TNS2: variants seen among roughly 807,000 people sequenced by gnomAD.
TNS2 encodes the protein tensin-2.
A neutral mutation model predicts 155.7 loss-of-function variants in TNS2; 77 were observed. The ratio of observed to expected loss-of-function variants is 0.49; its 90% CI spans 0.41 to 0.60. The LOEUF (loss-of-function observed/expected upper bound fraction) is 0.60, where lower values mean the gene tolerates loss of function less well. Ranked by LOEUF, TNS2 falls within the 20% of genes least tolerant of loss-of-function variation. The pLI is 0.00. For missense variants in TNS2, 1,703 were observed against 1,868.8 expected (o/e 0.91, Z 1.64); for synonymous variants, 726 against 763.9 (o/e 0.95, Z 0.82).
rs1342634860 is a variant in TNS2 at position 53,060,115 on chromosome 12, C to T, written c.2474C>T (p.Ser825Phe). Residue 825 changes from serine (S) to phenylalanine (F), a missense_variant, in exon 18 of 29, where the codon TCC becomes TTC. Ser to Phe is a radical substitution (Grantham distance 155). Coordinates refer to ENST00000314250, the MANE Select transcript of TNS2 (RefSeq NM_170754.4). The surrounding 1 kb of genome is among the most constrained non-coding windows in gnomAD (Gnocchi z 6.1). The stretch of plus-strand genomic sequence containing the variant: ...GGGTATCCCAGCCCTGGTGCCCACT[C>T]CCCACGGGCTGGCTCCATTTCCCCG... The part of the protein sequence containing the change: ...GRGYPSPGAH[S>F]PRAGSISPGS... 8 of 1,610,944 alleles carry T rather than the reference C, an allele frequency of 5.0e-6. No individual in the cohort carries two copies. Among genetic ancestry groups the T allele is most frequent in the African/African-American group, 1.3e-5 (1 of 75,002 alleles).
At chr12:53,049,743 TG>T (rs1050683273), upstream of TNS2, among the ~76,000 whole-genome samples, 2 of 152,084 alleles carry the variant, frequency 1.3e-5, no homozygotes, top group African/African-American at 2.4e-5. Context: ...TGGGACACAC[TG>T]TTCCCCACTT....
chr12:53,060,948 CGCCCCCTGGCAAGGCCCTCGAG>C lies in TNS2; in HGVS notation c.3049_3070del (p.Trp1017ProfsTer131). The C allele has an allele frequency of 6.2e-7, 1 of 1,601,762 alleles. No individual in the cohort carries two copies. Among genetic ancestry groups the C allele is most frequent in the Non-Finnish European group, 8.5e-7 (1 of 1,174,640 alleles). Reference sequence around the variant, plus strand: ...CCACCACACTTCCTGGCCTCCGCCACGCCCCCTGGCAAGGCCCTCGAGGCCCCCCCGACAGCCCAGATGGGTC... The same window carrying C: ...CCACCACACTTCCTGGCCTCCGCCACGCCCCCCCGACAGCCCAGATGGGTC... On this transcript the variant is annotated frameshift_variant, in exon 20 of 29. Coordinates refer to ENST00000314250, the MANE Select transcript of TNS2 (RefSeq NM_170754.4). LOFTEE classifies it high-confidence loss of function. This position sits in a 1 kb window ranked among gnomAD's most constrained non-coding sequence, Gnocchi z 6.1.
At chr12:53,053,276 G>A (rs530965521) in intron 3 of TNS2, 135 bp from the exon 4 acceptor site, 48 of 1,008,752 alleles carry the variant, frequency 4.8e-5, no homozygotes, top group Admixed American at 1.9e-4. Context: ...CTTAAATAGC[G>A]CAACCTCAGC....
Position 53,064,183 on chromosome 12 carries a change from A to G in TNS2, c.*301A>G, listed in dbSNP as rs991118886. The G allele has an allele frequency of 5.6e-6, 2 of 358,110 alleles. No individual in the cohort carries two copies. The highest frequency in any genetic ancestry group is 1.0e-5 in the Non-Finnish European group (2 of 194,224). The allele number at this position is 358,110 out of a possible 1,614,324, so 22.2% of individuals were successfully genotyped here. ...ATCAGGCAGCCCCACCTGCAGGAGA[A>G]CGTCAGCCCTCCAGGGGATCAGCCC... On this transcript the variant is annotated 3_prime_UTR_variant, in exon 29 of 29. Coordinates refer to ENST00000314250, the MANE Select transcript of TNS2 (RefSeq NM_170754.4).
chr12:53,058,970 C>T (rs1944268100), intron 17 of TNS2, 77 bp from the exon 18 acceptor site: 1 of 1,538,538 alleles, frequency 6.5e-7, no homozygotes. Context: ...TCTCCAGTGC[C>T]ATCCCCTCTC....
rs1944412925 is a variant in TNS2, at chr12:53,062,432, T to C, written c.3724T>C (p.Cys1242Arg). The change falls in exon 24 of 29, where the codon TGC (cysteine) becomes CGC (arginine). Residue 1242 changes from cysteine (C) to arginine (R), a missense_variant. Transcript: ENST00000314250. ...HSISPISLPC[C>R]LRIPSKDPLE... ...CATCTCCCCCATCTCCCTGCCCTGCTGCCTGCGCATTCCCAGCAAAGGTGA... is the reference window on the plus strand; with the variant it reads ...CATCTCCCCCATCTCCCTGCCCTGCCGCCTGCGCATTCCCAGCAAAGGTGA... 3 of 1,613,866 alleles carry C rather than the reference T, an allele frequency of 1.9e-6. No individual in the cohort carries two copies. Among genetic ancestry groups the C allele is most frequent in the Admixed American group, 3.3e-5 (2 of 59,988 alleles).
At position 53,058,376 on chromosome 12, in the gene TNS2, T is replaced by C. The variant is rs749969927; in HGVS notation, c.1156T>C (p.Phe386Leu). The C allele has an allele frequency of 6.2e-7, 1 of 1,614,044 alleles. No homozygotes were observed. The highest frequency in any genetic ancestry group is 1.3e-5 in the African/African-American group (1 of 74,920). Residue 386 changes from phenylalanine to leucine, a missense_variant, in exon 15 of 29, where the codon TTC (phenylalanine) becomes CTC (leucine). Phe to Leu is a conservative substitution (Grantham distance 22, BLOSUM62 0). Transcript: ENST00000314250. ...CCGGACCCTCGTGTTCCGAGTCCAGTTCCACACCTGCACCATCCACGGACC... is the reference window on the plus strand; with the variant it reads ...CCGGACCCTCGTGTTCCGAGTCCAGCTCCACACCTGCACCATCCACGGACC... Reference protein sequence around the residue: ...TDRTLVFRVQFHTCTIHGPQL... With the variant: ...TDRTLVFRVQLHTCTIHGPQL...
At chr12:53,052,874 G>A (rs1005756996) in intron 3 of TNS2, among the ~76,000 whole-genome samples, 8 of 152,154 alleles carry the variant, frequency 5.3e-5, no homozygotes, top group African/African-American at 1.7e-4. Flanking sequence ...CTCTGGGGAA[G>A]GGTCCTCAAA....
chr12:53,057,700 C>CT, intron 12 of TNS2, 21 bp downstream of exon 12: 2 of 1,613,768 alleles, frequency 1.2e-6, no homozygotes, highest in Non-Finnish European at 1.7e-6. Context: ...CTGAGATGTG[C>CT]TCCCTAGGGA....
chr12:53,062,155 G>T lies in TNS2; in HGVS notation c.3577G>T (p.Asp1193Tyr). 6.2e-7 allele frequency: 1 copy of T among 1,613,956 alleles called. No homozygotes were observed. Among genetic ancestry groups the T allele is most frequent in the Non-Finnish European group, 8.5e-7 (1 of 1,179,942 alleles). The stretch of plus-strand genomic sequence containing the variant: ...ATCTTCCCCTCGCCTCCTCTCAGGG[G>T]ACCCCGTGGAACAGCTGGTCCGCCA... ...PPPSAQPWKGDPVEQLVRHFL... is the reference protein window; with the variant it reads ...PPPSAQPWKGYPVEQLVRHFL... The change falls in exon 23 of 29, where the codon GAC (aspartate) becomes TAC (tyrosine). Residue 1193 changes from aspartate to tyrosine, a missense_variant and splice_region_variant. Physicochemically the swap from Asp to Tyr is radical, Grantham distance 160. Coordinates refer to ENST00000314250, the MANE Select transcript of TNS2 (RefSeq NM_170754.4).
At position 53,059,425 on chromosome 12, in the gene TNS2, G is replaced by A. The variant is rs915178844; in HGVS notation, c.1784G>A (p.Arg595His). 1.5e-5 allele frequency: 22 copies of A among 1,481,230 alleles called. No individual in the cohort carries two copies. The highest frequency in any genetic ancestry group is 2.8e-5 in the African/African-American group (2 of 70,298). The allele number at this position is 1,481,230 out of a possible 1,614,324, so 91.8% of individuals were successfully genotyped here. The change falls in exon 18 of 29, where the codon CGC becomes CAC. Residue 595 changes from arginine (R) to histidine (H), a missense_variant. Coordinates refer to ENST00000314250, the MANE Select transcript of TNS2 (RefSeq NM_170754.4). The surrounding 1 kb of genome is among the most constrained non-coding windows in gnomAD (Gnocchi z 4.7). ...RPGLSRHCSC[R>H]QGYREPCGVP... ...GGCCTCAGCCGCCACTGCTCCTGCCGCCAGGGCTACCGGGAGCCCTGCGGG... is the reference window on the plus strand; with the variant it reads ...GGCCTCAGCCGCCACTGCTCCTGCCACCAGGGCTACCGGGAGCCCTGCGGG...
chr12:53,059,541 G>A lies in TNS2; in HGVS notation c.1900G>A (p.Ala634Thr), dbSNP rs372051964. ...GGYEGSPQGYAEASMEKRRLC... is the reference protein window; with the variant it reads ...GGYEGSPQGYTEASMEKRRLC... ...CTATGAGGGATCCCCCCAGGGCTAC[G>A]CCGAGGCCTCGATGGAGAAGAGGCG... The change falls in exon 18 of 29, where the codon GCC becomes ACC. Residue 634 changes from alanine (A) to threonine (T), a missense_variant. By Grantham distance (58) the Ala-to-Thr change is moderately conservative. Transcript: ENST00000314250. This position sits in a 1 kb window ranked among gnomAD's most constrained non-coding sequence, Gnocchi z 4.7. 31 of 1,591,794 alleles carry A rather than the reference G, an allele frequency of 1.9e-5. No homozygotes were observed. Among genetic ancestry groups the A allele is most frequent in the South Asian group, 9.1e-5 (8 of 87,746 alleles).
rs1944389240 is a variant in TNS2 at position 53,061,677 on chromosome 12, T to C, written c.3449-138T>C. 3.4e-6 allele frequency: 5 copies of C among 1,463,600 alleles called. No individual in the cohort carries two copies. The South Asian group carries it at 5.4e-5, about 16-fold the overall frequency. The allele number at this position is 1,463,600 out of a possible 1,614,324, so 90.7% of individuals were successfully genotyped here. ...AAAACCCCTGTGAACTCTAGAGCCCTGGCCTCAGACTCTTACCGCCACCAC... is the reference window on the plus strand; with the variant it reads ...AAAACCCCTGTGAACTCTAGAGCCCCGGCCTCAGACTCTTACCGCCACCAC... On this transcript the variant is annotated intron_variant, in intron 21 of 28. Transcript: ENST00000314250.
intron 22 of TNS2, 27 bp from the exon 23 acceptor site, chr12:53,062,126 C>T (rs757338824): frequency 7.4e-5 from 119 of 1,613,534 alleles, no homozygotes; most frequent in Middle Eastern, 1.7e-4. Context: ...ATCCTAAAGC[C>T]GCAATCTTCC....
intron 23 of TNS2, 55 bp from the exon 24 acceptor site, chr12:53,062,321 G>A: frequency 6.2e-7 from 1 of 1,612,962 alleles, no homozygotes; most frequent in Non-Finnish European, 8.5e-7. Context: ...GAGGATGGAA[G>A]GGAAAGGCGG....
chr12:53,063,634 C>A lies in TNS2; in HGVS notation c.4091+42C>A. On this transcript the variant is annotated intron_variant, in intron 28 of 28. Transcript: ENST00000314250. The surrounding 1 kb of genome is among the most constrained non-coding windows in gnomAD (Gnocchi z 5.6). ...ATTCAGCCTCTTCCTTCCAAGGGAC[C>A]AGGGCGCTGCTGTCCTCTCAATGCT... The A allele has an allele frequency of 1.2e-6, 2 of 1,614,184 alleles. No individual in the cohort carries two copies. Among genetic ancestry groups the A allele is most frequent in the Non-Finnish European group, 1.7e-6 (2 of 1,180,004 alleles).
At chr12:53,052,314 C>G in intron 2 of TNS2, 141 bp from the exon 3 acceptor site, 2 of 1,078,712 alleles carry the variant, frequency 1.9e-6, no homozygotes, top group Non-Finnish European at 2.8e-6. Context: ...AGCCCTGCTC[C>G]TCTGCCCCAG....
intron 17 of TNS2, 29 bp downstream of exon 17, chr12:53,058,856 T>C (rs771263279): frequency 5.0e-6 from 8 of 1,608,782 alleles, no homozygotes; most frequent in Non-Finnish European, 6.8e-6. Flanking sequence ...GGGTGGGAGG[T>C]ACAGGGTTGT....
intron 14 of TNS2, 40 bp downstream of exon 14, chr12:53,058,142 G>T (rs773363333): frequency 6.2e-7 from 1 of 1,613,746 alleles, no homozygotes; most frequent in African/African-American, 1.3e-5. Context: ...CCTGGAGATG[G>T]GGCAGGGGTT....
Sources: allele counts gnomAD v4.1 joint callset (sites outside exome capture counted in the v4.1 genomes callset), GRCh38; gene constraint gnomAD v4.1.1; non-coding constraint Gnocchi (gnomAD v3.1); transcripts MANE v1.5; gene names NCBI Gene and HGNC (gene_info 2026-07-23, HGNC 2026-07-21).